KIAA1328: variants seen among roughly 807,000 people sequenced by gnomAD.
The protein encoded by KIAA1328 is KIAA1328.
In KIAA1328, 52 loss-of-function variants were observed where a neutral mutation model predicts 68.1. The ratio of observed to expected loss-of-function variants is 0.76; its 90% CI spans 0.61 to 0.96. The LOEUF is 0.96. Among genes scored for constraint, KIAA1328 ranks in the 40% least tolerant of loss-of-function variants. KIAA1328 has a pLI of 0.00. For synonymous variants in KIAA1328, 232 were observed against 239.4 expected (o/e 0.97, Z 0.28); for missense variants, 641 against 677.6 (o/e 0.95, Z 0.60).
chr18:37,227,043 G>C (rs542102834), downstream of KIAA1328, among the ~76,000 whole-genome samples: 5 of 152,174 alleles, frequency 3.3e-5, no homozygotes, highest in African/African-American at 9.6e-5. Context: ...CTGGGATTAC[G>C]GGTGTGAGCC....
intron 9 of KIAA1328, among the ~76,000 whole-genome samples, chr18:37,213,731 T>C (rs1300021231): frequency 6.6e-6 from 1 of 152,182 alleles, no homozygotes; most frequent in African/African-American, 2.4e-5. Flanking sequence ...CACACTGTCT[T>C]CCACAATGGT....
intron 5 of KIAA1328, among the ~76,000 whole-genome samples, chr18:36,942,411 T>A (rs2050749227): frequency 6.6e-6 from 1 of 152,212 alleles, no homozygotes; most frequent in Admixed American, 6.5e-5. Flanking sequence ...GTTAGAGACA[T>A]AGAACAAACC....
intron 5 of KIAA1328, among the ~76,000 whole-genome samples, chr18:36,925,266 A>G (rs1283069760): frequency 6.6e-6 from 1 of 152,138 alleles, no homozygotes; most frequent in Non-Finnish European, 1.5e-5. Flanking sequence ...AAGATATATA[A>G]TGGCAGAATA....
chr18:37,044,404 C>G (rs2055380708), intron 6 of KIAA1328, among the ~76,000 whole-genome samples: 1 of 151,962 alleles, frequency 6.6e-6, no homozygotes, highest in Non-Finnish European at 1.5e-5. Context: ...TTCAGGTCTC[C>G]TATAAGATGA....
rs1321821771 is a variant in KIAA1328 at position 37,000,257 on chromosome 18, CAAAG to C, written c.576+40825_576+40828del. ...TTAAGTCAAAAATAGTAATAAAAGACAAAGAAGGTCTTTTTATAATCATAAAAGG... is the reference window on the plus strand; with the variant it reads ...TTAAGTCAAAAATAGTAATAAAAGACAAGGTCTTTTTATAATCATAAAAGG... On this transcript the variant is annotated intron_variant, in intron 6 of 9. Coordinates refer to ENST00000280020, the MANE Select transcript of KIAA1328 (RefSeq NM_020776.3). 8.5e-5 allele frequency among the ~76,000 whole-genome samples: 13 copies of C among 152,094 alleles called. No homozygotes were observed. The East Asian group carries it at 2.5e-3, about 29-fold the overall frequency.
intron 7 of KIAA1328, among the ~76,000 whole-genome samples, chr18:37,156,426 C>CA (rs769062667): frequency 0.017 from 626 of 35,966 alleles, 20 homozygotes; most frequent in East Asian, 0.067. Flanking sequence ...AACTCCGCCT[C>CA]AAAAAAAAAA....
intron 9 of KIAA1328, among the ~76,000 whole-genome samples, chr18:37,211,156 T>C (rs2060308304): frequency 6.6e-6 from 1 of 152,202 alleles, no homozygotes; most frequent in East Asian, 1.9e-4. Context: ...ACAGTAACCT[T>C]CTTTTGCTTT....
At chr18:37,054,563 A>G (rs1246305852) in intron 6 of KIAA1328, among the ~76,000 whole-genome samples, 1 of 152,216 alleles carries the variant, frequency 6.6e-6, no homozygotes, top group African/African-American at 2.4e-5. Context: ...ACACAGAAAC[A>G]AAAAGTCAAA....
chr18:37,094,132 T>G (rs759819246), intron 7 of KIAA1328, among the ~76,000 whole-genome samples: 2 of 152,192 alleles, frequency 1.3e-5, no homozygotes, highest in African/African-American at 4.8e-5. Flanking sequence ...ATCCCTTGCA[T>G]GCACAGTTCA....
chr18:36,954,839 C>T (rs765600135), intron 5 of KIAA1328, among the ~76,000 whole-genome samples: 14 of 151,716 alleles, frequency 9.2e-5, no homozygotes, highest in Non-Finnish European at 1.6e-4. Flanking sequence ...GGATTACAGG[C>T]GCCCACCACC....
chr18:36,914,984 A>G (rs2049627661), intron 5 of KIAA1328, among the ~76,000 whole-genome samples: 1 of 152,212 alleles, frequency 6.6e-6, no homozygotes. Flanking sequence ...CTGGATTGGT[A>G]AGGAGATCCC....
downstream of KIAA1328, among the ~76,000 whole-genome samples, chr18:37,226,375 T>C (rs187780847): frequency 6.6e-6 from 1 of 152,296 alleles, no homozygotes; most frequent in Non-Finnish European, 1.5e-5. Flanking sequence ...TTTAGTATAT[T>C]CACAGAGTTG....
chr18:37,226,398 C>G (rs1012264214), downstream of KIAA1328, among the ~76,000 whole-genome samples: 4 of 152,068 alleles, frequency 2.6e-5, no homozygotes, highest in Non-Finnish European at 5.9e-5. Flanking sequence ...TCCATCACCA[C>G]AATCAATTTT....
At position 37,222,478 on chromosome 18, in the gene KIAA1328, A is replaced by T; in HGVS notation, c.*251A>T. 3.8e-6 allele frequency: 5 copies of T among 1,303,446 alleles called. No homozygotes were observed. Among genetic ancestry groups the T allele is most frequent in the Non-Finnish European group, 4.9e-6 (5 of 1,022,748 alleles). 80.7% of individuals were successfully genotyped at this position (1,303,446 alleles called of 1,614,324 possible). On this transcript the variant is annotated 3_prime_UTR_variant, in exon 10 of 10. Coordinates refer to ENST00000280020, the MANE Select transcript of KIAA1328 (RefSeq NM_020776.3). ...CTTTTATATGCTAAACAGATTAGAA[A>T]ATTAACATAGGATACTTTCTGCGTG...
intron 5 of KIAA1328, among the ~76,000 whole-genome samples, chr18:36,900,231 A>G (rs903751835): frequency 6.6e-6 from 1 of 152,024 alleles, no homozygotes; most frequent in Non-Finnish European, 1.5e-5. Context: ...TGATAATTTT[A>G]CATAAAGGTT....
chr18:36,970,142 G>A (rs932418765), intron 6 of KIAA1328, among the ~76,000 whole-genome samples: 31 of 152,290 alleles, frequency 2.0e-4, no homozygotes, highest in African/African-American at 7.5e-4. Flanking sequence ...GGGATGCAAG[G>A]CTGGTTCAAC....
chr18:37,066,211 G>C (rs1196882951), intron 6 of KIAA1328, among the ~76,000 whole-genome samples: 1 of 152,192 alleles, frequency 6.6e-6, no homozygotes, highest in Non-Finnish European at 1.5e-5. Context: ...CTATTGACAT[G>C]TCAGAGATAA....
chr18:36,957,875 A>G (rs893252142), intron 5 of KIAA1328, among the ~76,000 whole-genome samples: 2 of 152,134 alleles, frequency 1.3e-5, no homozygotes, highest in African/African-American at 4.8e-5. Context: ...GTATATTCCA[A>G]AAATGTGCAA....
Position 36,897,142 on chromosome 18 carries a change from G to A in KIAA1328, c.448+11470G>A, listed in dbSNP as rs184414770. On this transcript the variant is annotated intron_variant, in intron 5 of 9. Transcript: ENST00000280020. Reference sequence around the variant, plus strand: ...AATATCTGAATTGTATCTTCCTATGGAAGATGGTAAGGATTATCATCTTCC... The same window carrying A: ...AATATCTGAATTGTATCTTCCTATGAAAGATGGTAAGGATTATCATCTTCC... 5.3e-5 allele frequency among the ~76,000 whole-genome samples: 8 copies of A among 152,052 alleles called. No individual in the cohort carries two copies. The East Asian group carries it at 1.6e-3, about 29-fold the overall frequency.
Sources: allele counts gnomAD v4.1 joint callset (sites outside exome capture counted in the v4.1 genomes callset), GRCh38; gene constraint gnomAD v4.1.1; transcripts MANE v1.5; gene names NCBI Gene and HGNC (gene_info 2026-07-23, HGNC 2026-07-21).